EIF3A: variants seen among roughly 807,000 people sequenced by gnomAD.
The protein encoded by EIF3A is eukaryotic translation initiation factor 3 subunit A.
EIF3A carries 21 observed loss-of-function variants against 186.6 expected under a neutral mutation model. The ratio of observed to expected loss-of-function variants is 0.11; its 90% CI spans 0.08 to 0.16. EIF3A has a LOEUF of 0.16. Among genes scored for constraint, EIF3A ranks in the 10% least tolerant of loss-of-function variants. The pLI, the probability that EIF3A is intolerant of heterozygous loss-of-function variation, is 1.00. For missense variants in EIF3A, 1,306 were observed against 1,796.3 expected (o/e 0.73, Z 4.93); for synonymous variants, 563 against 584.3 (o/e 0.96, Z 0.52).
intron 7 of EIF3A, among the ~76,000 whole-genome samples, chr10:119,063,643 C>CCAAGT (rs1394961745): frequency 2.6e-5 from 4 of 152,244 alleles, no homozygotes; most frequent in South Asian, 2.1e-4. Flanking sequence ...ATTCTAATAA[C>CCAAGT]CAAGTCAGAC....
Position 119,069,657 on chromosome 10 carries a change from A to G in EIF3A, c.742-3T>C. 6.7e-7 allele frequency: 1 copy of G among 1,492,920 alleles called. No individual in the cohort carries two copies. The highest frequency in any genetic ancestry group is 9.3e-7 in the Non-Finnish European group (1 of 1,070,306). The allele number at this position is 1,492,920 out of a possible 1,614,324, so 92.5% of individuals were successfully genotyped here. On this transcript the variant is annotated splice_polypyrimidine_tract_variant and splice_region_variant and intron_variant, in intron 5 of 21. Transcript: ENST00000369144. ...TCTTCCACAGCTTTGAATGCTTCCTAAAATTAGGAGTATAAATTAAAGTCA... is the reference window on the plus strand; with the variant it reads ...TCTTCCACAGCTTTGAATGCTTCCTGAAATTAGGAGTATAAATTAAAGTCA...
At position 119,049,912 on chromosome 10, in the gene EIF3A, C is replaced by A; in HGVS notation, c.2547G>T (p.Lys849Asn). Residue 849 changes from lysine (K) to asparagine (N), a missense_variant, in exon 17 of 22, where the codon AAG becomes AAT. This residue lies in a region of EIF3A where 410 missense variants were observed against 473.5 expected (regional missense o/e 0.87). Coordinates refer to ENST00000369144, the MANE Select transcript of EIF3A (RefSeq NM_003750.4). The part of the protein sequence containing the change: ...EELREYQERV[K>N]KLEEVERKKR... ...TTTTCCTTTCCACTTCTTCTAATTT[C>A]TTCACCCGCTCCTGATACTCTCGTA... 6.2e-7 allele frequency: 1 copy of A among 1,614,108 alleles called. No homozygotes were observed. The highest frequency in any genetic ancestry group is 8.5e-7 in the Non-Finnish European group (1 of 1,180,000).
In EIF3A at chr10:119,057,494, G is replaced by A. The variant is rs185813768; in HGVS notation, c.1978-454C>T. 1.5e-3 allele frequency among the ~76,000 whole-genome samples: 226 copies of A among 152,284 alleles called. 1 individual carries two copies. Among genetic ancestry groups the A allele is most frequent in the Admixed American group, 2.5e-3 (39 of 15,298 alleles). ...TGTGTATAAGGTGTCTATGAAACAG[G>A]TCATGTGTGGTGGCTCACACCTATA... On this transcript the variant is annotated intron_variant, in intron 12 of 21. Transcript: ENST00000369144.
chr10:119,079,810 T>C (rs889315331), intron 1 of EIF3A, among the ~76,000 whole-genome samples: 13 of 152,102 alleles, frequency 8.5e-5, no homozygotes, highest in Non-Finnish European at 1.8e-4. Context: ...TCAAGAGACG[T>C]TGGTTTTAAG....
chr10:119,071,559 G>A (rs1844070866), intron 4 of EIF3A, among the ~76,000 whole-genome samples: 1 of 151,904 alleles, frequency 6.6e-6, no homozygotes, highest in Non-Finnish European at 1.5e-5. Flanking sequence ...TCATTTAACT[G>A]GACACGTTAA....
At chr10:119,074,232 G>A (rs1407699757) in intron 1 of EIF3A, among the ~76,000 whole-genome samples, 5 of 152,294 alleles carry the variant, frequency 3.3e-5, no homozygotes, top group African/African-American at 7.2e-5. Flanking sequence ...TTGAGAGGCC[G>A]AGGTGGGCCA....
intron 7 of EIF3A, 31 bp downstream of exon 7, chr10:119,065,368 A>C (rs779954698): frequency 2.6e-6 from 4 of 1,552,826 alleles, no homozygotes; most frequent in Non-Finnish European, 3.5e-6. Flanking sequence ...TTTCTGCCCA[A>C]AGCTACAAAA....
At chr10:119,076,857 A>G (rs192431644) in intron 1 of EIF3A, among the ~76,000 whole-genome samples, 4 of 148,704 alleles carry the variant, frequency 2.7e-5, no homozygotes, top group African/African-American at 9.9e-5. Context: ...AATCACTTGA[A>G]CCCAGGAGGC....
chr10:119,052,790 ACT>A (rs1446184819), intron 14 of EIF3A, among the ~76,000 whole-genome samples: 1 of 151,832 alleles, frequency 6.6e-6, no homozygotes, highest in Non-Finnish European at 1.5e-5. Flanking sequence ...CTTCTTCCAA[ACT>A]CTTTCTAATG....
intron 7 of EIF3A, among the ~76,000 whole-genome samples, chr10:119,062,896 C>T (rs992380465): frequency 1.3e-5 from 2 of 151,718 alleles, no homozygotes; most frequent in African/African-American, 2.4e-5. Context: ...TACACGCATG[C>T]ACCACAATGC....
rs1177721852 is a variant in EIF3A, at chr10:119,080,717, C to G, written c.-41G>C. ...AGCTCACCCGGCGTCAGCGAACTCT[C>G]TAGTGGCCCGGGCCGGGAGAGGAGA... On this transcript the variant is annotated 5_prime_UTR_variant, in exon 1 of 22. Coordinates refer to ENST00000369144, the MANE Select transcript of EIF3A (RefSeq NM_003750.4). The G allele has an allele frequency of 6.4e-7, 1 of 1,568,284 alleles. No homozygotes were observed. Among genetic ancestry groups the G allele is most frequent in the Admixed American group, 1.9e-5 (1 of 53,288 alleles).
rs946647181 is a variant in EIF3A at position 119,061,658 on chromosome 10, T to C, written c.1123-330A>G. On this transcript the variant is annotated intron_variant, in intron 7 of 21. Transcript: ENST00000369144. ...ATTTTATTACCAATAACAAGGAAAA[T>C]ACCAGTTTTACTTTTATATAAATTA... Among the ~76,000 whole-genome samples, 8 of 152,112 alleles carry C rather than the reference T, an allele frequency of 5.3e-5. No individual in the cohort carries two copies. In the East Asian group the frequency reaches 1.5e-3, roughly 29 times the overall value.
chr10:119,054,276 T>C (rs573118721), intron 14 of EIF3A, among the ~76,000 whole-genome samples: 20 of 152,288 alleles, frequency 1.3e-4, no homozygotes, highest in African/African-American at 4.6e-4. Flanking sequence ...TTGAGAGTTA[T>C]AGCCTTGCTC....
At chr10:119,058,359 G>C (rs1450243283) in intron 11 of EIF3A, 56 bp from the exon 12 acceptor site, 3 of 1,244,354 alleles carry the variant, frequency 2.4e-6, no homozygotes, top group East Asian at 5.1e-5. Context: ...TCTGGTATTA[G>C]GCATCAAAGA....
chr10:119,055,639 A>G (rs1843765813), intron 14 of EIF3A, among the ~76,000 whole-genome samples: 1 of 152,238 alleles, frequency 6.6e-6, no homozygotes, highest in Non-Finnish European at 1.5e-5. Context: ...TGGGAGGCCC[A>G]GCCAGGAGAA....
intron 1 of EIF3A, among the ~76,000 whole-genome samples, chr10:119,077,791 G>A (rs1844201657): frequency 6.6e-6 from 1 of 152,018 alleles, no homozygotes; most frequent in Non-Finnish European, 1.5e-5. Context: ...CTGACCTTGT[G>A]ATCCACCCGC....
intron 14 of EIF3A, among the ~76,000 whole-genome samples, chr10:119,055,264 G>A (rs968747739): frequency 6.6e-6 from 1 of 151,268 alleles, no homozygotes; most frequent in South Asian, 2.1e-4. Flanking sequence ...GTCAAGGACA[G>A]GGAGAGACAG....
chr10:119,059,475 A>T, intron 10 of EIF3A, 78 bp from the exon 11 acceptor site: 2 of 1,294,010 alleles, frequency 1.5e-6, no homozygotes, highest in South Asian at 1.4e-5. Context: ...TGTCATATAC[A>T]AAAGCTGGAA....
In EIF3A at chr10:119,060,607, A is replaced by G. The variant is rs1195784131; in HGVS notation, c.1326+139T>C. On this transcript the variant is annotated intron_variant, in intron 9 of 21. Transcript: ENST00000369144. ...TAAATATAATAATTCTGATTTTCAA[A>G]TTAATAAATAGACTAATTTTTGCCA... 3 of 563,028 alleles carry G rather than the reference A, an allele frequency of 5.3e-6. No homozygotes were observed. In the African/African-American group the frequency reaches 5.8e-5, roughly 11 times the overall value. The allele number at this position is 563,028 out of a possible 1,614,324, so 34.9% of individuals were successfully genotyped here.
Sources: allele counts gnomAD v4.1 joint callset (sites outside exome capture counted in the v4.1 genomes callset), GRCh38; gene constraint gnomAD v4.1.1; regional missense constraint gnomAD v4.1.1; transcripts MANE v1.5; gene names NCBI Gene and HGNC (gene_info 2026-07-23, HGNC 2026-07-21).